The following DLGAP2 variants were observed in gnomAD, a reference collection of about 807,000 sequenced individuals.
DLGAP2 encodes the protein DLG associated protein 2.
In DLGAP2, 26 loss-of-function variants were observed where a neutral mutation model predicts 100.3. The observed-to-expected ratio is 0.26, with a 90% confidence interval of 0.19 to 0.36. DLGAP2 has a LOEUF of 0.36. Ranked by LOEUF, DLGAP2 falls within the 10% of genes least tolerant of loss-of-function variation. The pLI is 1.00. For missense variants in DLGAP2, 1,858 were observed against 1,453.2 expected (o/e 1.28, Z -4.53); for synonymous variants, 886 against 630.1 (o/e 1.41, Z -6.08).
intron 1 of DLGAP2, among the ~76,000 whole-genome samples, chr8:796,910 T>G (rs1796047671): frequency 7.1e-6 from 1 of 141,694 alleles, no homozygotes; most frequent in African/African-American, 2.4e-5. Flanking sequence ...AAACACCTAC[T>G]TATCTTTCAA....
chr8:1,189,328 C>G (rs139198783), intron 2 of DLGAP2, among the ~76,000 whole-genome samples: 180 of 152,062 alleles, frequency 1.2e-3, no homozygotes, highest in African/African-American at 3.9e-3. Flanking sequence ...AGGAGCCCAT[C>G]GTAGGAGTCA....
At chr8:1,071,424 G>A (rs1332661339) in intron 2 of DLGAP2, among the ~76,000 whole-genome samples, 1 of 152,130 alleles carries the variant, frequency 6.6e-6, no homozygotes, top group Non-Finnish European at 1.5e-5. Context: ...GTCTCTCCTG[G>A]GTGGGGCTGT....
intron 6 of DLGAP2, among the ~76,000 whole-genome samples, chr8:1,617,493 T>C (rs549185952): frequency 1.3e-5 from 2 of 152,384 alleles, no homozygotes; most frequent in East Asian, 3.9e-4. Context: ...TTGAGCATTT[T>C]TTCATGTGCT....
Position 1,549,609 on chromosome 8 carries a change from A to T in DLGAP2, c.1156A>T (p.Ser386Cys). 1 of 1,593,448 alleles carries T rather than the reference A, an allele frequency of 6.3e-7. No homozygotes were observed. The highest frequency in any genetic ancestry group is 8.5e-7 in the Non-Finnish European group (1 of 1,172,476). The stretch of plus-strand genomic sequence containing the variant: ...CCAGGCCAAGGAGGCCTACCGCAAG[A>T]GCTCGCTGAACCTGGACAAGCCGCT... ...VSQAKEAYRKSSLNLDKPLLH... is the reference protein window; with the variant it reads ...VSQAKEAYRKCSLNLDKPLLH... Residue 386 changes from serine (S) to cysteine (C), a missense_variant, in exon 5 of 15, where the codon AGC becomes TGC. Transcript: ENST00000637795.
intron 5 of DLGAP2, among the ~76,000 whole-genome samples, chr8:1,551,797 A>T (rs3793408): frequency 0.023 from 3,456 of 152,260 alleles, 60 homozygotes; most frequent in Middle Eastern, 0.041. Context: ...ACACGGAATG[A>T]TGAGTACGCT....
chr8:1,233,760 G>A (rs931986798), intron 2 of DLGAP2, among the ~76,000 whole-genome samples: 14 of 152,336 alleles, frequency 9.2e-5, no homozygotes, highest in African/African-American at 3.4e-4. Context: ...TAGGACATCA[G>A]GGTCTCACTG....
At chr8:1,541,135 C>T (rs6982973) in intron 4 of DLGAP2, among the ~76,000 whole-genome samples, 2,448 of 152,316 alleles carry the variant, frequency 0.016, 75 homozygotes, top group African/African-American at 0.056. Flanking sequence ...AGGATGTAAA[C>T]TTTGCCAACT....
chr8:763,609 T>G (rs1366552042), intron 1 of DLGAP2, among the ~76,000 whole-genome samples: 2 of 151,948 alleles, frequency 1.3e-5, no homozygotes, highest in Admixed American at 1.3e-4. Context: ...GTGGCAGACG[T>G]TAGGCAGGTG....
At position 1,564,367 on chromosome 8, in the gene DLGAP2, T is replaced by C. The variant is rs116014906; in HGVS notation, c.1231-1316T>C. 6.1e-3 allele frequency among the ~76,000 whole-genome samples: 924 copies of C among 152,322 alleles called. 11 individuals carry two copies. Among genetic ancestry groups the C allele is most frequent in the African/African-American group, 0.021 (876 of 41,574 alleles). On this transcript the variant is annotated intron_variant, in intron 5 of 14. Transcript: ENST00000637795. Reference sequence around the variant, plus strand: ...ATGGAAACAGAATACTGGCCTGCACTGTCATCTTCATGGTTTACCCTCCCC... The same window carrying C: ...ATGGAAACAGAATACTGGCCTGCACCGTCATCTTCATGGTTTACCCTCCCC...
At chr8:777,998 A>G (rs975210507) in intron 1 of DLGAP2, among the ~76,000 whole-genome samples, 2 of 152,068 alleles carry the variant, frequency 1.3e-5, no homozygotes, top group Non-Finnish European at 2.9e-5. Context: ...AATCAGACGT[A>G]GATTTGGTCT....
intron 2 of DLGAP2, among the ~76,000 whole-genome samples, chr8:1,214,214 C>T (rs1798165513): frequency 6.6e-6 from 1 of 152,180 alleles, no homozygotes; most frequent in African/African-American, 2.4e-5. Flanking sequence ...CTTCAAGTCT[C>T]ATTTTAAATG....
intron 3 of DLGAP2, among the ~76,000 whole-genome samples, chr8:1,332,392 T>C (rs1007955803): frequency 2.0e-5 from 3 of 152,146 alleles, no homozygotes; most frequent in Admixed American, 2.0e-4. Flanking sequence ...TGTGTTAGTG[T>C]GTGTCTGCAT....
intron 1 of DLGAP2, among the ~76,000 whole-genome samples, chr8:809,854 T>G (rs1013913289): frequency 1.3e-5 from 2 of 152,212 alleles, no homozygotes; most frequent in African/African-American, 4.8e-5. Context: ...CTCTAGGATT[T>G]GTCATGGGAA....
intron 2 of DLGAP2, among the ~76,000 whole-genome samples, chr8:909,799 G>T (rs550659803): frequency 1.2e-3 from 188 of 152,314 alleles, no homozygotes; most frequent in African/African-American, 4.3e-3. Flanking sequence ...ATGCAGAATG[G>T]AAAGATGGGG....
chr8:1,522,077 G>C (rs1800623350), intron 4 of DLGAP2, among the ~76,000 whole-genome samples: 2 of 146,900 alleles, frequency 1.4e-5, no homozygotes. Context: ...CTCGGGGGCA[G>C]GTGATTTGGG....
At chr8:1,180,471 G>T (rs1223702080) in intron 2 of DLGAP2, among the ~76,000 whole-genome samples, 1 of 152,228 alleles carries the variant, frequency 6.6e-6, no homozygotes, top group South Asian at 2.1e-4. Flanking sequence ...TGGGATCTCA[G>T]GCAGGAGCCA....
Position 737,661 on chromosome 8 carries a change from G to A in DLGAP2, c.-147G>A, listed in dbSNP as rs1469754024. ...CGTGCGCCGGGCTCGAGCGCGGTCT[G>A]AGCGCGCGGCGCCTGCGGCGGCGAA... On this transcript the variant is annotated 5_prime_UTR_variant, in exon 1 of 15. Transcript: ENST00000637795. The A allele has an allele frequency of 1.2e-4, 43 of 358,866 alleles. No individual in the cohort carries two copies. The highest frequency in any genetic ancestry group is 9.0e-4 in the African/African-American group (42 of 46,926). The allele number at this position is 358,866 out of a possible 1,614,324, so 22.2% of individuals were successfully genotyped here.
rs1181166840 is a variant in DLGAP2, at chr8:1,232,930, C to G, written c.74-25921C>G. On this transcript the variant is annotated intron_variant, in intron 2 of 14. Transcript: ENST00000637795. ...ATCATCATTAGTAACCACTCCCATT[C>G]TAGGCCCACCCCCTGCCCAGCCCTA... Among the ~76,000 whole-genome samples the G allele has an allele frequency of 5.3e-5, 8 of 152,342 alleles. No individual in the cohort carries two copies. In the South Asian group the frequency reaches 1.7e-3, roughly 32 times the overall value.
chr8:841,532 G>C (rs967214907), intron 1 of DLGAP2, among the ~76,000 whole-genome samples: 1 of 152,154 alleles, frequency 6.6e-6, no homozygotes, highest in Non-Finnish European at 1.5e-5. Context: ...CTACATGAAG[G>C]TCATTGTTTC....
Sources: allele counts gnomAD v4.1 joint callset (sites outside exome capture counted in the v4.1 genomes callset), GRCh38; gene constraint gnomAD v4.1.1; transcripts MANE v1.5; gene names NCBI Gene and HGNC (gene_info 2026-07-23, HGNC 2026-07-21).